Variants in ECT2L observed in about 807,000 individuals in gnomAD.
ECT2L encodes the protein epithelial cell transforming 2 like, also known as epithelial cell-transforming sequence 2 oncogene-like.
A neutral mutation model predicts 122.8 loss-of-function variants in ECT2L; 126 were observed. The observed-to-expected ratio is 1.03, with a 90% CI of 0.89 to 1.19. ECT2L has a LOEUF of 1.19. ECT2L is among the 50% of genes most tolerant of loss of function. The pLI is 0.00. For missense variants in ECT2L, 1,012 were observed against 1,064.1 expected (o/e 0.95, Z 0.68); for synonymous variants, 385 against 381.8 (o/e 1.01, Z -0.10).
chr6:138,854,712 GA>G (rs952718338), intron 10 of ECT2L, among the ~76,000 whole-genome samples: 14 of 152,196 alleles, frequency 9.2e-5, no homozygotes, highest in African/African-American at 3.4e-4. Context: ...TAAATTCTTA[GA>G]TAATATTAAA....
At position 138,799,502 on chromosome 6, in the gene ECT2L, G is replaced by A. The variant is rs144230351; in HGVS notation, c.-244+3310G>A. ...GATCTCCTGACCTCATGATCCGCCCGCCTTGGCCTCCCAAAGTGCTGGGAT... is the reference window on the plus strand; with the variant it reads ...GATCTCCTGACCTCATGATCCGCCCACCTTGGCCTCCCAAAGTGCTGGGAT... On this transcript the variant is annotated intron_variant, in intron 1 of 21. Transcript: ENST00000541398. Among the ~76,000 whole-genome samples, 996 of 152,118 alleles carry A rather than the reference G, an allele frequency of 6.5e-3. 8 individuals carry two copies. The highest frequency in any genetic ancestry group is 0.027 in the Middle Eastern group (8 of 292).
At chr6:138,839,339 T>G (rs773984873) in intron 5 of ECT2L, among the ~76,000 whole-genome samples, 3 of 151,306 alleles carry the variant, frequency 2.0e-5, no homozygotes, top group African/African-American at 4.9e-5. Context: ...TGTAAAATAT[T>G]TAATAAAATG....
At position 138,881,164 on chromosome 6, in the gene ECT2L, C is replaced by T. The variant is rs748477906; in HGVS notation, c.1873C>T (p.Leu625Phe). 1 of 1,613,614 alleles carries T rather than the reference C, an allele frequency of 6.2e-7. No homozygotes were observed. Among genetic ancestry groups the T allele is most frequent in the African/African-American group, 1.3e-5 (1 of 74,900 alleles). The change falls in exon 15 of 22, where the codon CTC becomes TTC. Residue 625 changes from leucine to phenylalanine, a missense_variant. By Grantham distance (22) the Leu-to-Phe change is conservative. Transcript: ENST00000541398. ...IFCDILQILSLNRQFLDNLRD... is the reference protein window; with the variant it reads ...IFCDILQILSFNRQFLDNLRD... ...CTGTGACATTCTACAGATTTTAAGTCTCAACAGGTAAACCCTGAATATGTA... is the reference window on the plus strand; with the variant it reads ...CTGTGACATTCTACAGATTTTAAGTTTCAACAGGTAAACCCTGAATATGTA...
chr6:138,805,791 AG>A (rs1213476880), intron 1 of ECT2L, among the ~76,000 whole-genome samples: 1 of 152,206 alleles, frequency 6.6e-6, no homozygotes, highest in Non-Finnish European at 1.5e-5. Context: ...AGTCTTCTTA[AG>A]GTCCATGCCC....
chr6:138,797,108 C>G (rs1775370880), intron 1 of ECT2L, among the ~76,000 whole-genome samples: 1 of 152,162 alleles, frequency 6.6e-6, no homozygotes, highest in Non-Finnish European at 1.5e-5. Context: ...ATCAATAGCC[C>G]AGGTTTCCTC....
At chr6:138,872,097 C>A (rs2128402873) in intron 13 of ECT2L, among the ~76,000 whole-genome samples, 1 of 152,198 alleles carries the variant, frequency 6.6e-6, no homozygotes, top group South Asian at 2.1e-4. Context: ...GTCTCAGCCT[C>A]CCAATGTGCT....
At chr6:138,854,349 T>C (rs892216585) in intron 10 of ECT2L, among the ~76,000 whole-genome samples, 195 bp downstream of exon 10, 1 of 152,190 alleles carries the variant, frequency 6.6e-6, no homozygotes, top group Middle Eastern at 3.2e-3. Flanking sequence ...AACCTGTCTC[T>C]ACAGAAATAC....
chr6:138,903,562 C>T lies in ECT2L; in HGVS notation c.*935C>T, dbSNP rs747618717. 2 of 151,966 alleles carry T rather than the reference C, an allele frequency of 1.3e-5. No homozygotes were observed. The highest frequency in any genetic ancestry group is 2.4e-5 in the African/African-American group (1 of 41,358). 9.4% of individuals were successfully genotyped at this position (151,966 alleles called of 1,614,324 possible). ...AAGAAGCTTTAACAAATATTTTTGA[C>T]ATTGTTAAATTAGAAGGCTATTTTT... On this transcript the variant is annotated 3_prime_UTR_variant, in exon 22 of 22. Coordinates refer to ENST00000541398, the MANE Select transcript of ECT2L (RefSeq NM_001077706.3).
intron 4 of ECT2L, among the ~76,000 whole-genome samples, chr6:138,817,759 T>C (rs185079558): frequency 6.6e-6 from 1 of 152,340 alleles, no homozygotes; most frequent in East Asian, 1.9e-4. Flanking sequence ...TTTAGCTTCT[T>C]AAACCATCCC....
chr6:138,891,585 G>T (rs967073146), intron 20 of ECT2L, among the ~76,000 whole-genome samples: 14 of 52,238 alleles, frequency 2.7e-4, no homozygotes, highest in Non-Finnish European at 6.0e-4. Context: ...AAAATCTTTT[G>T]AATCCCCCCC....
At chr6:138,869,612 ACTGT>A (rs1319934970) in intron 13 of ECT2L, among the ~76,000 whole-genome samples, 2 of 152,184 alleles carry the variant, frequency 1.3e-5, no homozygotes, top group African/African-American at 2.4e-5. Flanking sequence ...GTGCCCCCTC[ACTGT>A]CTGCCAAAAC....
intron 4 of ECT2L, chr6:138,823,079 G>A: frequency 6.3e-7 from 1 of 1,588,062 alleles, no homozygotes; most frequent in South Asian, 1.1e-5. Context: ...GGAAAATAAT[G>A]TGCAAAATAA....
At chr6:138,840,613 T>C (rs1340344120) in intron 5 of ECT2L, among the ~76,000 whole-genome samples, 1 of 152,064 alleles carries the variant, frequency 6.6e-6, no homozygotes, top group Non-Finnish European at 1.5e-5. Context: ...ACTTTGAAAA[T>C]ATTTCATTTT....
intron 20 of ECT2L, among the ~76,000 whole-genome samples, chr6:138,889,945 A>C (rs1778961311): frequency 6.6e-6 from 1 of 152,224 alleles, no homozygotes; most frequent in Non-Finnish European, 1.5e-5. Context: ...TTGCTATTGT[A>C]AAACAAAAGC....
chr6:138,862,762 C>A, intron 11 of ECT2L, 43 bp downstream of exon 11: 1 of 1,521,388 alleles, frequency 6.6e-7, no homozygotes, highest in Non-Finnish European at 9.1e-7. Flanking sequence ...ATAACACAAG[C>A]CAACTCCAGA....
chr6:138,892,760 T>G (rs1322984163), intron 20 of ECT2L, among the ~76,000 whole-genome samples: 1 of 152,220 alleles, frequency 6.6e-6, no homozygotes, highest in Non-Finnish European at 1.5e-5. Context: ...CTCAAAGTGC[T>G]AGGATTAAAG....
At chr6:138,798,190 AGGATT>A (rs1775408991) in intron 1 of ECT2L, among the ~76,000 whole-genome samples, 1 of 152,134 alleles carries the variant, frequency 6.6e-6, no homozygotes, top group Non-Finnish European at 1.5e-5. Context: ...ATTTTAATGG[AGGATT>A]CATTCATAGG....
intron 20 of ECT2L, among the ~76,000 whole-genome samples, chr6:138,899,617 G>A (rs563298025): frequency 2.9e-4 from 44 of 152,194 alleles, no homozygotes; most frequent in African/African-American, 1.0e-3. Context: ...TCACTTAAGC[G>A]TTTTGTAACA....
At chr6:138,894,896 G>A (rs1197815691) in intron 20 of ECT2L, among the ~76,000 whole-genome samples, 1 of 151,948 alleles carries the variant, frequency 6.6e-6, no homozygotes, top group Non-Finnish European at 1.5e-5. Context: ...TTCCTTTTAG[G>A]TCAACGACAC....
Sources: allele counts gnomAD v4.1 joint callset (sites outside exome capture counted in the v4.1 genomes callset), GRCh38; gene constraint gnomAD v4.1.1; transcripts MANE v1.5; gene names NCBI Gene and HGNC (gene_info 2026-07-23, HGNC 2026-07-21).